Variants in KCNQ3 observed in about 807,000 individuals in gnomAD.
The protein encoded by KCNQ3 is potassium voltage-gated channel subfamily KQT member 3.
KCNQ3 carries 30 observed loss-of-function variants against 92.5 expected under a neutral mutation model. That is an observed-to-expected ratio of 0.32 (90% CI 0.24 to 0.44). The LOEUF (loss-of-function observed/expected upper bound fraction) is 0.44, where lower values mean the gene tolerates loss of function less well. KCNQ3 is among the 20% of genes least tolerant of loss of function. The probability of loss-of-function intolerance (pLI) is 1.00; values close to 1 mark genes in which losing one functional copy is unlikely to be tolerated. For missense variants in KCNQ3, 913 were observed against 1,140.3 expected (o/e 0.80, Z 2.87); for synonymous variants, 450 against 468.8 (o/e 0.96, Z 0.52).
intron 1 of KCNQ3, chr8:132,447,175 C>A (rs1412517393): frequency 6.5e-6 from 10 of 1,530,110 alleles, no homozygotes; most frequent in Non-Finnish European, 8.8e-6. Flanking sequence ...TTTTCATATC[C>A]CCAAAATGAG....
chr8:132,193,293 A>G (rs1415040110), intron 1 of KCNQ3, among the ~76,000 whole-genome samples: 1 of 151,918 alleles, frequency 6.6e-6, no homozygotes, highest in Non-Finnish European at 1.5e-5. Flanking sequence ...TTCTTTCCTC[A>G]CCTTCGGCCA....
intron 7 of KCNQ3, 72 bp downstream of exon 7, chr8:132,172,526 T>A (rs1329043880): frequency 2.3e-6 from 3 of 1,284,982 alleles, no homozygotes; most frequent in African/African-American, 2.9e-5. Context: ...CATGCACACA[T>A]ACACACACAC....
chr8:132,353,814 A>AAAAC (rs749243050), intron 1 of KCNQ3, among the ~76,000 whole-genome samples: 1 of 152,174 alleles, frequency 6.6e-6, no homozygotes, highest in Non-Finnish European at 1.5e-5. Flanking sequence ...ATTCTGCCTC[A>AAAAC]AAACAAACAA....
intron 1 of KCNQ3, among the ~76,000 whole-genome samples, chr8:132,394,760 C>T (rs1820149578): frequency 2.0e-5 from 3 of 152,076 alleles, no homozygotes; most frequent in Admixed American, 2.0e-4. Flanking sequence ...CAGACAGGAC[C>T]CCAGATTGGA....
intron 1 of KCNQ3, among the ~76,000 whole-genome samples, chr8:132,397,970 T>C (rs1299083331): frequency 6.6e-6 from 1 of 152,204 alleles, no homozygotes; most frequent in Non-Finnish European, 1.5e-5. Context: ...ATTTATAAAA[T>C]ATTAACTCCC....
chr8:132,436,400 C>T (rs750501495), intron 1 of KCNQ3, among the ~76,000 whole-genome samples: 33 of 152,158 alleles, frequency 2.2e-4, no homozygotes, highest in Non-Finnish European at 3.8e-4. Context: ...TAGATCCATG[C>T]GGAATACCTC....
At chr8:132,311,408 C>T (rs144629461) in intron 1 of KCNQ3, among the ~76,000 whole-genome samples, 82 of 152,144 alleles carry the variant, frequency 5.4e-4, no homozygotes, top group Non-Finnish European at 1.1e-3. Context: ...TAAAAGTAAG[C>T]AAACAGAATT....
chr8:132,379,309 T>G (rs1236960120), intron 1 of KCNQ3, among the ~76,000 whole-genome samples: 1 of 151,782 alleles, frequency 6.6e-6, no homozygotes, highest in Non-Finnish European at 1.5e-5. Context: ...TAGCTCTATT[T>G]TTTTTTCAGA....
chr8:132,454,630 C>T (rs1369082639), intron 1 of KCNQ3, among the ~76,000 whole-genome samples: 2 of 152,110 alleles, frequency 1.3e-5, no homozygotes, highest in African/African-American at 4.8e-5. Context: ...CTGATACCCA[C>T]ACTGTCCTTT....
chr8:132,292,002 C>T (rs1816848983), intron 1 of KCNQ3, among the ~76,000 whole-genome samples: 1 of 152,208 alleles, frequency 6.6e-6, no homozygotes, highest in African/African-American at 2.4e-5. Context: ...CCCACCCCAC[C>T]TTTATCCTAT....
At chr8:132,451,463 C>T (rs954464357) in intron 1 of KCNQ3, among the ~76,000 whole-genome samples, 1 of 152,202 alleles carries the variant, frequency 6.6e-6, no homozygotes, top group Non-Finnish European at 1.5e-5. Flanking sequence ...CCTCTATGCC[C>T]ACTGGCCTGA....
At chr8:132,427,720 G>A (rs1016805718) in intron 1 of KCNQ3, among the ~76,000 whole-genome samples, 1 of 152,140 alleles carries the variant, frequency 6.6e-6, no homozygotes, top group Non-Finnish European at 1.5e-5. Context: ...GTGAGGTGGA[G>A]CTCCCCAGCT....
intron 1 of KCNQ3, among the ~76,000 whole-genome samples, chr8:132,221,957 A>C (rs28407292): frequency 0.05 from 7,606 of 152,310 alleles, 240 homozygotes; most frequent in South Asian, 0.056. Context: ...TGAAACCATA[A>C]AAACCCTAGA....
chr8:132,133,133 G>C (rs1824938360), intron 13 of KCNQ3, among the ~76,000 whole-genome samples: 1 of 152,134 alleles, frequency 6.6e-6, no homozygotes, highest in Non-Finnish European at 1.5e-5. Flanking sequence ...TCATGTAAAA[G>C]CTGGATATTC....
At chr8:132,339,911 G>A (rs945426421) in intron 1 of KCNQ3, among the ~76,000 whole-genome samples, 2 of 151,246 alleles carry the variant, frequency 1.3e-5, no homozygotes, top group East Asian at 2.0e-4. Context: ...CAACACAAAG[G>A]CCTTCTCTGT....
chr8:132,178,607 G>A (rs1007709442), intron 4 of KCNQ3, among the ~76,000 whole-genome samples: 1 of 152,068 alleles, frequency 6.6e-6, no homozygotes, highest in African/African-American at 2.4e-5. Context: ...GCTGGAAGGT[G>A]GCAGAGCTGA....
chr8:132,159,964 G>A (rs1825933703), intron 9 of KCNQ3, among the ~76,000 whole-genome samples: 1 of 152,198 alleles, frequency 6.6e-6, no homozygotes, highest in Admixed American at 6.5e-5. Context: ...CACTGTGTCA[G>A]GTGTAGGAGA....
At position 132,170,343 on chromosome 8, in the gene KCNQ3, G is replaced by C. The variant is rs149272208; in HGVS notation, c.1226C>G (p.Pro409Arg). The change falls in exon 8 of 15, where the codon CCT (proline) becomes CGT (arginine). Residue 409 changes from proline to arginine, a missense_variant. By Grantham distance (103) the Pro-to-Arg change is moderately radical (BLOSUM62 -2). Coordinates refer to ENST00000388996, the MANE Select transcript of KCNQ3 (RefSeq NM_004519.4). Reference protein sequence around the residue: ...WRFYESVVSFPFFRKEQLEAA... With the variant: ...WRFYESVVSFRFFRKEQLEAA... ...GTGAGTCCCCACTTGCCTGAAGAAA[G>C]GAAAAGAGACGACTGATTCATAAAA... is the stretch of plus-strand genomic sequence containing the variant. 403 of 1,613,336 alleles carry C rather than the reference G, an allele frequency of 2.5e-4. No individual in the cohort carries two copies. Among genetic ancestry groups the C allele is most frequent in the Non-Finnish European group, 3.3e-4 (394 of 1,179,582 alleles).
intron 1 of KCNQ3, among the ~76,000 whole-genome samples, chr8:132,210,907 A>G (rs1376133261): frequency 6.6e-6 from 1 of 152,230 alleles, no homozygotes; most frequent in Non-Finnish European, 1.5e-5. Flanking sequence ...TCAACAAGAC[A>G]GTTTATTAAA....
Sources: allele counts gnomAD v4.1 joint callset (sites outside exome capture counted in the v4.1 genomes callset), GRCh38; gene constraint gnomAD v4.1.1; transcripts MANE v1.5; gene names NCBI Gene and HGNC (gene_info 2026-07-23, HGNC 2026-07-21).